Variants in LRFN5 observed in about 807,000 individuals in gnomAD.
The protein encoded by LRFN5 is leucine rich repeat and fibronectin type III domain containing 5, also known as leucine-rich repeat and fibronectin type-III domain-containing protein 5.
A neutral mutation model predicts 45.6 loss-of-function variants in LRFN5; 24 were observed. The observed-to-expected ratio is 0.53, with a 90% CI of 0.38 to 0.74. The LOEUF is 0.74. LRFN5 is among the 30% of genes least tolerant of loss of function. The pLI is 0.00. For synonymous variants in LRFN5, 340 were observed against 313.8 expected, an observed-to-expected ratio of 1.08 and a Z score of -0.88; for missense variants, 776 against 861.5, an observed-to-expected ratio of 0.90 and a Z score of 1.24.
At chr14:41,892,063 C>T (rs934363602) in intron 4 of LRFN5, 101 bp downstream of exon 4, 3 of 1,490,782 alleles carry the variant, frequency 2.0e-6, no homozygotes. Flanking sequence ...ACTCGCCGAA[C>T]ACATGTGGAC....
At chr14:41,739,333 T>C (rs917016113) in intron 1 of LRFN5, among the ~76,000 whole-genome samples, 1 of 152,082 alleles carries the variant, frequency 6.6e-6, no homozygotes, top group East Asian at 1.9e-4. Flanking sequence ...TTCAGTGAGC[T>C]GTCATCACAC....
intron 1 of LRFN5, among the ~76,000 whole-genome samples, chr14:41,676,342 A>G (rs749837987): frequency 3.9e-5 from 6 of 152,220 alleles, no homozygotes; most frequent in African/African-American, 1.4e-4. Context: ...GCAGTGGCCT[A>G]TATGGCTCTG....
chr14:41,791,668 A>T (rs1340663323), intron 2 of LRFN5, among the ~76,000 whole-genome samples: 1 of 152,110 alleles, frequency 6.6e-6, no homozygotes, highest in Non-Finnish European at 1.5e-5. Context: ...ATCACTGATT[A>T]ACTGTGTTCA....
chr14:41,829,190 A>G (rs12435301), intron 2 of LRFN5, among the ~76,000 whole-genome samples: 25,336 of 151,860 alleles, frequency 0.17, 2,335 homozygotes, highest in Non-Finnish European at 0.21. Context: ...CACCTCCACT[A>G]TACTCTGCAT....
At chr14:41,658,746 AAT>A (rs1880492552) in intron 1 of LRFN5, among the ~76,000 whole-genome samples, 1 of 151,972 alleles carries the variant, frequency 6.6e-6, no homozygotes, top group African/African-American at 2.4e-5. Flanking sequence ...AAGAAGTGAA[AAT>A]ATATTTACTG....
intron 2 of LRFN5, among the ~76,000 whole-genome samples, chr14:41,772,137 T>C (rs1412577037): frequency 6.6e-6 from 1 of 152,052 alleles, no homozygotes; most frequent in Non-Finnish European, 1.5e-5. Flanking sequence ...ATGATACATC[T>C]TTTCAAACAA....
intron 2 of LRFN5, among the ~76,000 whole-genome samples, chr14:41,845,568 T>G (rs1273574321): frequency 6.6e-6 from 1 of 152,158 alleles, no homozygotes; most frequent in Non-Finnish European, 1.5e-5. Context: ...CCTTGGAAAC[T>G]GCAAGGTATT....
At chr14:41,706,108 G>GT (rs879589744) in intron 1 of LRFN5, among the ~76,000 whole-genome samples, 118 of 147,698 alleles carry the variant, frequency 8.0e-4, no homozygotes, top group African/African-American at 1.1e-3. Context: ...TTTTTTTTTT[G>GT]TTTTTTTTTG....
At chr14:41,865,521 G>C (rs1048460259) in intron 2 of LRFN5, among the ~76,000 whole-genome samples, 2 of 151,950 alleles carry the variant, frequency 1.3e-5, no homozygotes, top group African/African-American at 4.8e-5. Context: ...GAGTAATATT[G>C]CTCTCACAAT....
chr14:41,855,569 T>C (rs896850374), intron 2 of LRFN5, among the ~76,000 whole-genome samples: 1 of 152,176 alleles, frequency 6.6e-6, no homozygotes, highest in African/African-American at 2.4e-5. Context: ...TTTTTGTCTG[T>C]TAAAATATAA....
At chr14:41,728,868 C>T (rs1334385322) in intron 1 of LRFN5, among the ~76,000 whole-genome samples, 1 of 152,180 alleles carries the variant, frequency 6.6e-6, no homozygotes, top group Non-Finnish European at 1.5e-5. Flanking sequence ...ATTGATCAAG[C>T]ATGTTGTTTT....
chr14:41,685,542 G>C (rs1882081608), intron 1 of LRFN5, among the ~76,000 whole-genome samples: 1 of 152,090 alleles, frequency 6.6e-6, no homozygotes, highest in African/African-American at 2.4e-5. Flanking sequence ...CTTTGCCCAT[G>C]CTTATGTCCT....
intron 2 of LRFN5, among the ~76,000 whole-genome samples, chr14:41,812,016 C>G (rs1887753968): frequency 1.3e-5 from 2 of 152,096 alleles, no homozygotes; most frequent in South Asian, 4.1e-4. Context: ...TATAGCATAA[C>G]ATCTTTTAAA....
chr14:41,854,901 A>G (rs1889399890), intron 2 of LRFN5, among the ~76,000 whole-genome samples: 1 of 152,224 alleles, frequency 6.6e-6, no homozygotes. Flanking sequence ...CATAAATAGT[A>G]TGCACTTATA....
intron 1 of LRFN5, among the ~76,000 whole-genome samples, chr14:41,640,125 C>T (rs1416274215): frequency 2.0e-5 from 3 of 151,760 alleles, no homozygotes; most frequent in Non-Finnish European, 4.4e-5. Flanking sequence ...GGCCATACCC[C>T]TGGGATCCTG....
intron 2 of LRFN5, among the ~76,000 whole-genome samples, chr14:41,863,798 A>G (rs1362864424): frequency 6.6e-6 from 1 of 152,128 alleles, no homozygotes; most frequent in Non-Finnish European, 1.5e-5. Flanking sequence ...ACTGTCATCT[A>G]CATTAGGTAT....
intron 1 of LRFN5, chr14:41,699,537 C>T (rs1179216353): frequency 6.6e-6 from 1 of 152,016 alleles, no homozygotes; most frequent in Non-Finnish European, 1.5e-5. Flanking sequence ...AATTTGATTC[C>T]TCTCTAAAAA....
intron 2 of LRFN5, among the ~76,000 whole-genome samples, chr14:41,882,046 G>A (rs1890397699): frequency 6.6e-6 from 1 of 151,854 alleles, no homozygotes; most frequent in Admixed American, 6.6e-5. Context: ...TACATGTTTG[G>A]GAATTTCCTA....
chr14:41,756,990 C>T (rs531240307), intron 1 of LRFN5, among the ~76,000 whole-genome samples: 20 of 152,176 alleles, frequency 1.3e-4, no homozygotes, highest in Admixed American at 1.3e-3. Flanking sequence ...GGACCCCCAG[C>T]TGCAAGTCTG....
Sources: allele counts gnomAD v4.1 joint callset (sites outside exome capture counted in the v4.1 genomes callset), GRCh38; gene constraint gnomAD v4.1.1; transcripts MANE v1.5; gene names NCBI Gene and HGNC (gene_info 2026-07-23, HGNC 2026-07-21).